Variants in FYB1 observed in about 807,000 individuals in gnomAD.
FYB1 encodes FYN-binding protein 1.
A neutral mutation model predicts 94.1 loss-of-function variants in FYB1; 41 were observed. The observed-to-expected ratio is 0.44, with a 90% CI of 0.34 to 0.57. The LOEUF (loss-of-function observed/expected upper bound fraction) is 0.57, where lower values mean the gene tolerates loss of function less well. FYB1 is among the 20% of genes least tolerant of loss of function. The pLI is 0.02. For missense variants in FYB1, 1,050 were observed against 976.8 expected, an observed-to-expected ratio of 1.07 and a Z score of -1.00; for synonymous variants, 367 against 353.2, an observed-to-expected ratio of 1.04 and a Z score of -0.44.
At chr5:39,222,147 CA>C (rs1401714627), upstream of FYB1, among the ~76,000 whole-genome samples, 1 of 152,190 alleles carries the variant, frequency 6.6e-6, no homozygotes, top group Non-Finnish European at 1.5e-5. Context: ...GCTTATGCTC[CA>C]AAACCCAGTG....
chr5:39,170,340 A>T (rs1745137590), intron 2 of FYB1: 1 of 1,257,520 alleles, frequency 8.0e-7, no homozygotes, highest in African/African-American at 1.5e-5. Flanking sequence ...ACATGATGGC[A>T]GCAGAATAAT....
At chr5:39,200,357 C>G (rs573574108) in intron 2 of FYB1, among the ~76,000 whole-genome samples, 2 of 152,188 alleles carry the variant, frequency 1.3e-5, no homozygotes, top group African/African-American at 4.8e-5. Context: ...ACCACCCACA[C>G]TGGAGCGGGA....
At chr5:39,258,142 G>A (rs368921930) in intron 1 of FYB1, among the ~76,000 whole-genome samples, 1 of 152,170 alleles carries the variant, frequency 6.6e-6, no homozygotes, top group East Asian at 1.9e-4. Flanking sequence ...GAGAACCACC[G>A]TCTTAATAGG....
chr5:39,231,712 T>C (rs543340950), intron 1 of FYB1, among the ~76,000 whole-genome samples: 62 of 150,422 alleles, frequency 4.1e-4, no homozygotes, highest in African/African-American at 1.5e-3. Flanking sequence ...CTCAAAATTC[T>C]TATGTGGCTG....
intron 2 of FYB1, among the ~76,000 whole-genome samples, chr5:39,183,560 T>C (rs1461552556): frequency 6.6e-6 from 1 of 152,150 alleles, no homozygotes; most frequent in African/African-American, 2.4e-5. Flanking sequence ...TACAGTGAGA[T>C]GTTCTAGAAT....
At chr5:39,108,646 C>T (rs778057422) in intron 17 of FYB1, among the ~76,000 whole-genome samples, 3 of 151,908 alleles carry the variant, frequency 2.0e-5, no homozygotes, top group Non-Finnish European at 4.4e-5. Context: ...ACTTGAATTT[C>T]GAATGGTGAA....
intron 7 of FYB1, among the ~76,000 whole-genome samples, chr5:39,135,508 G>A (rs183824629): frequency 9.2e-4 from 140 of 152,298 alleles, no homozygotes; most frequent in African/African-American, 3.2e-3. Context: ...AATGTTACAC[G>A]AGGTTTTTCA....
At chr5:39,108,089 G>A in intron 18 of FYB1, 142 bp downstream of exon 18, 1 of 718,914 alleles carries the variant, frequency 1.4e-6, no homozygotes, top group Non-Finnish European at 2.2e-6. Flanking sequence ...TTATGCCAGG[G>A]CATTTACCTT....
chr5:39,138,697 A>G lies in FYB1; in HGVS notation c.1360-6T>C. On this transcript the variant is annotated splice_polypyrimidine_tract_variant and splice_region_variant and intron_variant, in intron 5 of 18. Transcript: ENST00000512982. ...TCTCCTTCACTGTCTTGTTCCTGTA[A>G]AGAAAAACATTGATAATGATTAATT... 6.8e-7 allele frequency: 1 copy of G among 1,470,104 alleles called. No individual in the cohort carries two copies. Among genetic ancestry groups the G allele is most frequent in the South Asian group, 1.2e-5 (1 of 84,712 alleles). The allele number at this position is 1,470,104 out of a possible 1,614,324, so 91.1% of individuals were successfully genotyped here. A position where few individuals can be genotyped will look rare whatever the true frequency, so the allele number is the denominator to read the frequency against.
intron 1 of FYB1, among the ~76,000 whole-genome samples, chr5:39,244,446 T>G (rs1265841357): frequency 6.6e-6 from 1 of 152,206 alleles, no homozygotes; most frequent in African/African-American, 2.4e-5. Flanking sequence ...TTATGTTTAT[T>G]GATTTTCGTA....
At chr5:39,146,501 A>AT (rs1742671131) in intron 3 of FYB1, among the ~76,000 whole-genome samples, 1 of 152,280 alleles carries the variant, frequency 6.6e-6, no homozygotes, top group South Asian at 2.1e-4. Flanking sequence ...TAGGCTTTTG[A>AT]TTTTTTTGAT....
intron 2 of FYB1, chr5:39,169,195 A>T: frequency 1.2e-6 from 1 of 844,612 alleles, no homozygotes; most frequent in South Asian, 1.3e-5. Flanking sequence ...TCATTGCAAC[A>T]TCTGGGCTCA....
At chr5:39,150,236 T>C (rs1456872870) in intron 3 of FYB1, among the ~76,000 whole-genome samples, 1 of 152,100 alleles carries the variant, frequency 6.6e-6, no homozygotes, top group Non-Finnish European at 1.5e-5. Flanking sequence ...CCTAGCTGCC[T>C]GAAGAGGCCA....
At chr5:39,184,233 A>G (rs1366712196) in intron 2 of FYB1, among the ~76,000 whole-genome samples, 1 of 152,238 alleles carries the variant, frequency 6.6e-6, no homozygotes, top group Non-Finnish European at 1.5e-5. Flanking sequence ...TTATAATTCA[A>G]CCAACTGATC....
Position 39,219,520 on chromosome 5 carries a change from T to G in FYB1, c.-105A>C. 1 of 985,442 alleles carries G rather than the reference T, an allele frequency of 1.0e-6. No homozygotes were observed. Among genetic ancestry groups the G allele is most frequent in the Non-Finnish European group, 1.2e-6 (1 of 829,926 alleles). 61.0% of individuals were successfully genotyped at this position (985,442 alleles called of 1,614,324 possible). ...GGGCCAGGGTCTGGGCCCTACTCAC[T>G]TCTAGCTGTCGCATCTGCTCTGCAT... On this transcript the variant is annotated 5_prime_UTR_variant, in exon 1 of 19. Transcript: ENST00000512982.
intron 5 of FYB1, 68 bp from the exon 6 acceptor site, chr5:39,138,759 CT>C: frequency 1.1e-6 from 1 of 902,688 alleles, no homozygotes; most frequent in Non-Finnish European, 1.8e-6. Flanking sequence ...TATTACATTG[CT>C]TAGACTTAAA....
At chr5:39,179,268 G>A (rs1435413205) in intron 2 of FYB1, among the ~76,000 whole-genome samples, 2 of 152,146 alleles carry the variant, frequency 1.3e-5, no homozygotes, top group East Asian at 3.9e-4. Context: ...AACCCAGACA[G>A]CCTGGTCCCA....
intron 16 of FYB1, among the ~76,000 whole-genome samples, chr5:39,117,552 A>T (rs1032299071): frequency 3.3e-5 from 5 of 152,006 alleles, no homozygotes; most frequent in Non-Finnish European, 7.4e-5. Flanking sequence ...ACTGCCCTTT[A>T]TCTTTTGTAC....
chr5:39,227,976 G>A (rs1444229387), intron 1 of FYB1, among the ~76,000 whole-genome samples: 1 of 152,158 alleles, frequency 6.6e-6, no homozygotes, highest in Admixed American at 6.5e-5. Context: ...GGAACAGAAG[G>A]CTTGGATAAG....
Sources: gnomAD v4.1 joint callset for allele counts (sites outside exome capture counted in the v4.1 genomes callset) on GRCh38, gnomAD v4.1.1 for gene constraint, MANE v1.5 for transcripts, NCBI Gene and HGNC (gene_info 2026-07-23, HGNC 2026-07-21) for gene names.